CGNL1: variants seen among roughly 807,000 people sequenced by gnomAD.
The protein encoded by CGNL1 is cingulin-like protein 1.
CGNL1 carries 132 observed loss-of-function variants against 141.2 expected under a neutral mutation model. The observed-to-expected ratio is 0.93, with a 90% CI of 0.81 to 1.08. CGNL1 has a LOEUF of 1.08. Ranked by LOEUF, CGNL1 falls within the 50% of genes least tolerant of loss-of-function variation. The pLI is 0.00. For missense variants in CGNL1, 1,870 were observed against 1,588.6 expected (o/e 1.18, Z -3.01); for synonymous variants, 690 against 622.1 (o/e 1.11, Z -1.63).
intron 8 of CGNL1, among the ~76,000 whole-genome samples, chr15:57,514,978 G>T (rs1264194983): frequency 6.6e-6 from 1 of 152,122 alleles, no homozygotes; most frequent in Non-Finnish European, 1.5e-5. Context: ...CCTCATGCCA[G>T]TACTGCCCTG....
At chr15:57,427,553 A>G (rs1452973118) in intron 1 of CGNL1, among the ~76,000 whole-genome samples, 1 of 152,242 alleles carries the variant, frequency 6.6e-6, no homozygotes, top group Non-Finnish European at 1.5e-5. Flanking sequence ...CTCATGATGC[A>G]CATTCCCTCA....
At chr15:57,434,902 A>G (rs866255296) in intron 1 of CGNL1, among the ~76,000 whole-genome samples, 3 of 152,156 alleles carry the variant, frequency 2.0e-5, no homozygotes, top group African/African-American at 7.2e-5. Context: ...TATCAGACCA[A>G]TTGGGTAAAC....
chr15:57,405,257 C>T (rs2062703005), intron 1 of CGNL1: 1 of 152,178 alleles, frequency 6.6e-6, no homozygotes, highest in Non-Finnish European at 1.5e-5. Flanking sequence ...TTCACCCACC[C>T]CATTGCCTCC....
intron 12 of CGNL1, 142 bp from the exon 13 acceptor site, chr15:57,528,512 C>G (rs1386212743): frequency 1.3e-6 from 1 of 783,414 alleles, no homozygotes; most frequent in Non-Finnish European, 2.0e-6. Context: ...GGAGGTAGGA[C>G]TTGCTCAAGG....
At chr15:57,420,995 A>G (rs1377442795) in intron 1 of CGNL1, among the ~76,000 whole-genome samples, 1 of 152,220 alleles carries the variant, frequency 6.6e-6, no homozygotes, top group African/African-American at 2.4e-5. Flanking sequence ...CCTAACTCCC[A>G]AGGTTACGGT....
chr15:57,534,478 C>T (rs187782560), intron 14 of CGNL1, among the ~76,000 whole-genome samples: 2 of 152,338 alleles, frequency 1.3e-5, no homozygotes, highest in East Asian at 3.9e-4. Flanking sequence ...ATCTCATTCT[C>T]ATTCAAAGTT....
intron 1 of CGNL1, among the ~76,000 whole-genome samples, chr15:57,406,596 A>G (rs2062725789): frequency 6.6e-6 from 1 of 152,188 alleles, no homozygotes. Flanking sequence ...GGTAAGTGGT[A>G]GTGACTAGAT....
At chr15:57,427,239 G>A (rs1432067592) in intron 1 of CGNL1, among the ~76,000 whole-genome samples, 3 of 152,108 alleles carry the variant, frequency 2.0e-5, no homozygotes, top group Non-Finnish European at 4.4e-5. Context: ...AAGCTGCTAG[G>A]TTTCTAAAAA....
rs753088952 is a variant in CGNL1, at chr15:57,543,731, A to G, written c.3327A>G (p.Arg1109=). The change falls in exon 15 of 19, where the codon AGA becomes AGG. Residue 1109 remains arginine (R), a synonymous_variant. Coordinates refer to ENST00000281282, the MANE Select transcript of CGNL1 (RefSeq NM_032866.5). ...EQLRNELLQE[R]AARQDLECDK... is the part of the protein sequence containing the mutation. ...TGAGGAATGAGCTACTTCAGGAGAG[A>G]GCTGCGAGACAAGACTTGGAGTGCG... The G allele has an allele frequency of 3.1e-6, 5 of 1,613,980 alleles. No individual in the cohort carries two copies. The highest frequency in any genetic ancestry group is 4.2e-6 in the Non-Finnish European group (5 of 1,179,968).
chr15:57,497,920 G>A (rs1327062298), intron 8 of CGNL1, among the ~76,000 whole-genome samples: 1 of 152,240 alleles, frequency 6.6e-6, no homozygotes, highest in African/African-American at 2.4e-5. Flanking sequence ...ACGCTGAGAA[G>A]AGTGTGAAAG....
rs909424851 is a variant in CGNL1, at chr15:57,550,379, A to G, written c.*2889A>G. On this transcript the variant is annotated 3_prime_UTR_variant, in exon 19 of 19. Coordinates refer to ENST00000281282, the MANE Select transcript of CGNL1 (RefSeq NM_032866.5). ...CGTTCTTTAATTTTATTATATATAC[A>G]TACTTTTCTTCTGTTTTTTGCTTTA... 2.6e-5 allele frequency: 4 copies of G among 152,630 alleles called. No homozygotes were observed. The highest frequency in any genetic ancestry group is 7.2e-5 in the African/African-American group (3 of 41,446). The allele number at this position is 152,630 out of a possible 1,614,324, so 9.5% of individuals were successfully genotyped here.
At chr15:57,450,313 G>A (rs1254507683) in intron 4 of CGNL1, among the ~76,000 whole-genome samples, 1 of 152,158 alleles carries the variant, frequency 6.6e-6, no homozygotes. Context: ...GTCTTGCCCT[G>A]TCACCCAGTC....
intron 8 of CGNL1, 98 bp downstream of exon 8, chr15:57,461,990 G>C: frequency 1.1e-6 from 1 of 878,702 alleles, no homozygotes; most frequent in Non-Finnish European, 1.9e-6. Flanking sequence ...CTTTTAATTA[G>C]AGAGTGAATC....
intron 1 of CGNL1, among the ~76,000 whole-genome samples, chr15:57,428,079 C>G (rs1475137761): frequency 2.0e-4 from 30 of 152,030 alleles, no homozygotes; most frequent in Admixed American, 1.9e-3. Flanking sequence ...AAACACTGTT[C>G]TGGATGCCAG....
intron 14 of CGNL1, among the ~76,000 whole-genome samples, chr15:57,535,611 G>C (rs1379884756): frequency 6.6e-6 from 1 of 152,210 alleles, no homozygotes; most frequent in African/African-American, 2.4e-5. Flanking sequence ...GAATGGATGA[G>C]TGTGGGTCAA....
At chr15:57,510,034 G>C (rs1444802765) in intron 8 of CGNL1, among the ~76,000 whole-genome samples, 3 of 152,178 alleles carry the variant, frequency 2.0e-5, no homozygotes, top group African/African-American at 7.2e-5. Context: ...CGCCCTGGAA[G>C]GACTATTAGA....
At chr15:57,470,254 C>CTTTTTT (rs1346227903) in intron 8 of CGNL1, among the ~76,000 whole-genome samples, 2 of 34,544 alleles carry the variant, frequency 5.8e-5, no homozygotes, top group African/African-American at 2.0e-4. Context: ...TTTTTTGTCT[C>CTTTTTT]TCTTTTTTTT....
intron 8 of CGNL1, among the ~76,000 whole-genome samples, chr15:57,466,497 A>T (rs1379544961): frequency 2.0e-5 from 3 of 152,216 alleles, no homozygotes; most frequent in Non-Finnish European, 4.4e-5. Context: ...CAGCTCTTCC[A>T]GGAACTTCCC....
chr15:57,437,116 G>A (rs1431803738), intron 1 of CGNL1, among the ~76,000 whole-genome samples: 1 of 152,224 alleles, frequency 6.6e-6, no homozygotes, highest in Admixed American at 6.5e-5. Context: ...GTGTGAGGCA[G>A]GGTGAGCATC....
Sources: gnomAD v4.1 joint callset for allele counts (sites outside exome capture counted in the v4.1 genomes callset) on GRCh38, gnomAD v4.1.1 for gene constraint, MANE v1.5 for transcripts, NCBI Gene and HGNC (gene_info 2026-07-23, HGNC 2026-07-21) for gene names.